The following RASIP1 variants were observed in gnomAD, a reference collection of about 807,000 sequenced individuals.
The protein encoded by RASIP1 is ras-interacting protein 1.
Under a neutral mutation model 85.3 loss-of-function variants are expected in RASIP1, and 20 were observed. That is an observed-to-expected ratio of 0.23 (90% confidence interval 0.17 to 0.34). The LOEUF (loss-of-function observed/expected upper bound fraction) is 0.34. Ranked by LOEUF, RASIP1 falls within the 10% of genes least tolerant of loss-of-function variation. The pLI is 1.00. For synonymous variants in RASIP1, 617 were observed against 647.1 expected, an observed-to-expected ratio of 0.95 and a Z score of 0.71; for missense variants, 1,170 against 1,390.9, an observed-to-expected ratio of 0.84 and a Z score of 2.53.
chr19:48,736,568 A>G (rs2033576660), intron 3 of RASIP1, among the ~76,000 whole-genome samples: 1 of 152,174 alleles, frequency 6.6e-6, no homozygotes, highest in South Asian at 2.1e-4. Context: ...TGACTGCACC[A>G]CTGGGTACTC....
In RASIP1 at chr19:48,735,546, C is replaced by T; in HGVS notation, c.829G>A (p.Gly277Ser). 1 of 1,534,742 alleles carries T rather than the reference C, an allele frequency of 6.5e-7. No homozygotes were observed. The highest frequency in any genetic ancestry group is 8.8e-7 in the Non-Finnish European group (1 of 1,138,952). Residue 277 changes from glycine to serine, a missense_variant, in exon 4 of 12, where the codon GGC becomes AGC. By Grantham distance (56) the Gly-to-Ser change is moderately conservative (BLOSUM62 0). Transcript: ENST00000222145. ...TTCTGTGGCCGCCACGAAGGGGCGC[C>T]GGTGCCTGCGGAGAGATGGAGAACA... ...AFGAADSEGT[G>S]APSWRPQKNR...
Position 48,727,019 on chromosome 19 carries a change from C to T in RASIP1, c.2011G>A (p.Ala671Thr), listed in dbSNP as rs1423777491. ...QEKVLEMEKE[A>T]DQEDPQLCND... ...AGTCAGAGCTCACCCTCTTGGTCAG[C>T]CTCCTTCTCCATTTCCAGCACCTTC... The change falls in exon 7 of 12, where the codon GCT becomes ACT. Residue 671 changes from alanine (A) to threonine (T), a missense_variant. Ala to Thr is a moderately conservative substitution (Grantham distance 58, BLOSUM62 0). Coordinates refer to ENST00000222145, the MANE Select transcript of RASIP1 (RefSeq NM_017805.3). The T allele has an allele frequency of 1.2e-6, 2 of 1,614,076 alleles. No individual in the cohort carries two copies. Among genetic ancestry groups the T allele is most frequent in the African/African-American group, 1.3e-5 (1 of 74,934 alleles).
In RASIP1 at chr19:48,729,433, T is replaced by G; in HGVS notation, c.1337A>C (p.His446Pro). 1 of 1,561,642 alleles carries G rather than the reference T, an allele frequency of 6.4e-7. No individual in the cohort carries two copies. The highest frequency in any genetic ancestry group is 8.7e-7 in the Non-Finnish European group (1 of 1,153,698). The change falls in exon 5 of 12, where the codon CAC (histidine) becomes CCC (proline). Residue 446 changes from histidine (H) to proline (P), a missense_variant. His to Pro is a moderately conservative substitution (Grantham distance 77). Transcript: ENST00000222145. ...RHCTVRAGPE[H>P]PAMVRPSRGA... ...CCGGGACGGGCGCACCATGGCCGGG[T>G]GCTCAGGGCCCGCGCGCACTGTGCA... is the stretch of plus-strand genomic sequence containing the variant.
At chr19:48,734,675 C>T (rs1234080733) in intron 4 of RASIP1, among the ~76,000 whole-genome samples, 1 of 152,046 alleles carries the variant, frequency 6.6e-6, no homozygotes, top group African/African-American at 2.4e-5. Flanking sequence ...TTAGTACATA[C>T]AGGGTTTCTC....
intron 5 of RASIP1, 92 bp from the exon 6 acceptor site, chr19:48,727,522 A>G (rs1285599032): frequency 7.4e-7 from 1 of 1,346,492 alleles, no homozygotes; most frequent in Non-Finnish European, 1.1e-6. Flanking sequence ...CACAACTCTC[A>G]TAGAGACTGG....
intron 3 of RASIP1, 132 bp from the exon 4 acceptor site, chr19:48,735,683 C>A: frequency 1.1e-6 from 1 of 887,260 alleles, no homozygotes; most frequent in Non-Finnish European, 1.7e-6. Flanking sequence ...TAGGCTTTTG[C>A]ATATTCTGTT....
chr19:48,736,239 C>T (rs2033569463), intron 3 of RASIP1, among the ~76,000 whole-genome samples: 1 of 151,478 alleles, frequency 6.6e-6, no homozygotes, highest in Admixed American at 6.6e-5. Context: ...CACGGTGAAA[C>T]CCCGTCTCTA....
chr19:48,729,517 C>A lies in RASIP1; in HGVS notation c.1253G>T (p.Gly418Val). The A allele has an allele frequency of 1.9e-6, 3 of 1,598,390 alleles. No individual in the cohort carries two copies. The highest frequency in any genetic ancestry group is 2.6e-6 in the Non-Finnish European group (3 of 1,173,050). The change falls in exon 5 of 12, where the codon GGG (glycine) becomes GTG (valine). Residue 418 changes from glycine (G) to valine (V), a missense_variant. Gly to Val is a moderately radical substitution (Grantham distance 109). Coordinates refer to ENST00000222145, the MANE Select transcript of RASIP1 (RefSeq NM_017805.3). ...GGTGTCCACATAGGGAGCCGGGGAC[C>A]CCCCGCGGCCAGACGAGTTCCCACC... is the stretch of plus-strand genomic sequence containing the variant. ...GRGGNSSGRG[G>V]SPAPYVDTFL...
At chr19:48,737,770 G>A in intron 3 of RASIP1, 1 of 984,768 alleles carries the variant, frequency 1.0e-6, no homozygotes, top group Non-Finnish European at 1.2e-6. Context: ...GGACCCAACA[G>A]TTTTTGCCCC....
intron 10 of RASIP1, among the ~76,000 whole-genome samples, chr19:48,722,354 C>T (rs914128459): frequency 1.5e-5 from 2 of 136,018 alleles, no homozygotes; most frequent in African/African-American, 2.8e-5. Flanking sequence ...CTCACTCCGT[C>T]GCCCAGGCTG....
chr19:48,739,168 G>A lies in RASIP1; in HGVS notation c.615C>T (p.Cys205=). 3.4e-6 allele frequency: 5 copies of A among 1,457,978 alleles called. No individual in the cohort carries two copies. The South Asian group carries it at 4.0e-5, about 12-fold the overall frequency. 90.3% of individuals were successfully genotyped at this position (1,457,978 alleles called of 1,614,324 possible). Residue 205 remains cysteine, a synonymous_variant, in exon 3 of 12, where the codon TGC becomes TGT. Transcript: ENST00000222145. The surrounding 1 kb of genome is among the most constrained non-coding windows in gnomAD (Gnocchi z 9.2). ...ESSCVDAFAL[C]DALGRPAAAG... is the part of the protein sequence containing the mutation. ...CCGCCGCGGGCCGGCCCAGAGCGTC[G>A]CACAAAGCGAAGGCGTCCACGCAGC...
chr19:48,729,254 G>C lies in RASIP1; in HGVS notation c.1516C>G (p.Arg506Gly), dbSNP rs1470457798. The C allele has an allele frequency of 6.8e-6, 10 of 1,466,430 alleles. No homozygotes were observed. The highest frequency in any genetic ancestry group is 9.0e-6 in the Non-Finnish European group (10 of 1,115,138). 90.8% of individuals were successfully genotyped at this position (1,466,430 alleles called of 1,614,324 possible). A position where few individuals can be genotyped will look rare whatever the true frequency, so the allele number is the denominator to read the frequency against. The part of the protein sequence containing the change: ...GPARPPWLPA[R>G]PGATPPGPGW... ...GGGCCTGGCGGCGTGGCCCCGGGGC[G>C]CGCGGGCAGCCACGGCGGCCTCGCA... Residue 506 changes from arginine (R) to glycine (G), a missense_variant, in exon 5 of 12, where the codon CGC becomes GGC. Arg to Gly is a moderately radical substitution (Grantham distance 125, BLOSUM62 -2). Transcript: ENST00000222145.
chr19:48,740,454 T>C lies in RASIP1; in HGVS notation c.-5+67A>G. The C allele has an allele frequency of 2.2e-6, 3 of 1,393,120 alleles. No individual in the cohort carries two copies. 86.3% of individuals were successfully genotyped at this position (1,393,120 alleles called of 1,614,324 possible). A position where few individuals can be genotyped will look rare whatever the true frequency, so the allele number is the denominator to read the frequency against. On this transcript the variant is annotated intron_variant, in intron 1 of 11. Coordinates refer to ENST00000222145, the MANE Select transcript of RASIP1 (RefSeq NM_017805.3). This position sits in a 1 kb window ranked among gnomAD's most constrained non-coding sequence, Gnocchi z 5.5. The stretch of plus-strand genomic sequence containing the variant: ...GATTCCTGGGTCCTGGGATGGAAGA[T>C]GGCTGGGGGACTGAGTCTTGGGGCC...
At position 48,724,188 on chromosome 19, in the gene RASIP1, T is replaced by G; in HGVS notation, c.2544+149A>C. The stretch of plus-strand genomic sequence containing the variant: ...TTGTTGGTGCTGGCTTCCTTCTACC[T>G]GCCAATGTGTTACCCACAGTGTCTG... On this transcript the variant is annotated intron_variant, in intron 10 of 11. Transcript: ENST00000222145. This position sits in a 1 kb window ranked among gnomAD's most constrained non-coding sequence, Gnocchi z 4.6. 1.3e-6 allele frequency: 1 copy of G among 744,704 alleles called. No individual in the cohort carries two copies. Among genetic ancestry groups the G allele is most frequent in the East Asian group, 2.7e-5 (1 of 36,538 alleles). The allele number at this position is 744,704 out of a possible 1,614,324, so 46.1% of individuals were successfully genotyped here.
At position 48,735,546 on chromosome 19, in the gene RASIP1, C is replaced by G. The variant is rs979472552; in HGVS notation, c.829G>C (p.Gly277Arg). 2.0e-6 allele frequency: 3 copies of G among 1,534,742 alleles called. No homozygotes were observed. Among genetic ancestry groups the G allele is most frequent in the South Asian group, 1.2e-5 (1 of 83,176 alleles). Residue 277 changes from glycine (G) to arginine (R), a missense_variant, in exon 4 of 12, where the codon GGC (glycine) becomes CGC (arginine). Gly to Arg is a moderately radical substitution (Grantham distance 125). Transcript: ENST00000222145. ...AFGAADSEGT[G>R]APSWRPQKNR... The stretch of plus-strand genomic sequence containing the variant: ...TTCTGTGGCCGCCACGAAGGGGCGC[C>G]GGTGCCTGCGGAGAGATGGAGAACA...
Position 48,738,865 on chromosome 19 carries a change from G to T in RASIP1, c.823+95C>A. 4 of 771,806 alleles carry T rather than the reference G, an allele frequency of 5.2e-6. No homozygotes were observed. Among genetic ancestry groups the T allele is most frequent in the South Asian group, 6.1e-5 (1 of 16,338 alleles). The allele number at this position is 771,806 out of a possible 1,614,324, so 47.8% of individuals were successfully genotyped here. ...CTCCCGCGGGCCCCGCCCCCAGCCA[G>T]CCCGCGAGTCCCACAAGCCCCGCCC... On this transcript the variant is annotated intron_variant, in intron 3 of 11. Transcript: ENST00000222145. This position sits in a 1 kb window ranked among gnomAD's most constrained non-coding sequence, Gnocchi z 4.0.
At chr19:48,730,502 C>G (rs966605454) in intron 4 of RASIP1, among the ~76,000 whole-genome samples, 5 of 152,010 alleles carry the variant, frequency 3.3e-5, no homozygotes, top group Non-Finnish European at 5.9e-5. Context: ...ATTTCTTTCC[C>G]TCAAGCATTA....
At position 48,729,056 on chromosome 19, in the gene RASIP1, G is replaced by A. The variant is rs1311029579; in HGVS notation, c.1714C>T (p.Pro572Ser). ...GCCAGCAGCGTGGCGGGCCCGAGGG[G>A]CGGCAGGTCTCCCGAGCCGGCGGCT... is the stretch of plus-strand genomic sequence containing the variant. ...AAAAGSGDLP[P>S]LGPATLLALC... The change falls in exon 5 of 12, where the codon CCC (proline) becomes TCC (serine). Residue 572 changes from proline (P) to serine (S), a missense_variant. By Grantham distance (74) the Pro-to-Ser change is moderately conservative (BLOSUM62 -1). Coordinates refer to ENST00000222145, the MANE Select transcript of RASIP1 (RefSeq NM_017805.3). 1 of 1,394,940 alleles carries A rather than the reference G, an allele frequency of 7.2e-7. No individual in the cohort carries two copies. Among genetic ancestry groups the A allele is most frequent in the East Asian group, 3.1e-5 (1 of 32,224 alleles). The allele number at this position is 1,394,940 out of a possible 1,614,324, so 86.4% of individuals were successfully genotyped here. A position where few individuals can be genotyped will look rare whatever the true frequency, so the allele number is the denominator to read the frequency against.
At chr19:48,725,039 G>C in intron 8 of RASIP1, 79 bp from the exon 9 acceptor site, 2 of 1,519,180 alleles carry the variant, frequency 1.3e-6, no homozygotes, top group Non-Finnish European at 1.8e-6. Flanking sequence ...CATGAAGATA[G>C]TGGGGAGCTC....
Sources: allele counts gnomAD v4.1 joint callset (sites outside exome capture counted in the v4.1 genomes callset), GRCh38; gene constraint gnomAD v4.1.1; non-coding constraint Gnocchi (gnomAD v3.1); transcripts MANE v1.5; gene names NCBI Gene and HGNC (gene_info 2026-07-23, HGNC 2026-07-21).